The following COL19A1 variants were observed in gnomAD, a reference collection of about 807,000 sequenced individuals.
The protein encoded by COL19A1 is collagen alpha-1(XIX) chain.
In COL19A1, 159 loss-of-function variants were observed where a neutral mutation model predicts 190.2. The observed-to-expected ratio is 0.84, with a 90% CI of 0.73 to 0.95. The LOEUF is 0.95. Ranked by LOEUF, COL19A1 falls within the 40% of genes least tolerant of loss-of-function variation. COL19A1 has a pLI of 0.00. For synonymous variants in COL19A1, 509 were observed against 458.9 expected, an observed-to-expected ratio of 1.11 and a Z score of -1.39; for missense variants, 1,418 against 1,431.9, an observed-to-expected ratio of 0.99 and a Z score of 0.16.
chr6:69,996,998 T>A (rs1420920547), intron 11 of COL19A1, among the ~76,000 whole-genome samples: 1 of 131,830 alleles, frequency 7.6e-6, no homozygotes, highest in Non-Finnish European at 1.5e-5. Flanking sequence ...CGTATGTGTG[T>A]GTGTGTTTAT....
At chr6:70,073,061 C>T (rs943870552) in intron 15 of COL19A1, among the ~76,000 whole-genome samples, 4 of 151,978 alleles carry the variant, frequency 2.6e-5, no homozygotes, top group African/African-American at 9.7e-5. Flanking sequence ...AGTCTTGGCT[C>T]ACTACAACCT....
At chr6:70,066,327 T>C (rs1361120254) in intron 14 of COL19A1, among the ~76,000 whole-genome samples, 3 of 152,112 alleles carry the variant, frequency 2.0e-5, no homozygotes, top group Non-Finnish European at 4.4e-5. Flanking sequence ...GAAACCATCA[T>C]TCTCAGCAAA....
chr6:69,937,560 C>G, intron 8 of COL19A1, among the ~76,000 whole-genome samples: 1 of 152,090 alleles, frequency 6.6e-6, no homozygotes, highest in East Asian at 1.9e-4. Context: ...GTGCCCATAC[C>G]TGAGGAAAGG....
At chr6:70,022,079 G>A (rs1239188951) in intron 11 of COL19A1, among the ~76,000 whole-genome samples, 2 of 151,942 alleles carry the variant, frequency 1.3e-5, no homozygotes, top group Non-Finnish European at 1.5e-5. Context: ...GTGTGCAAAG[G>A]TATTTCTGTA....
chr6:69,898,025 C>T lies in COL19A1; in HGVS notation c.92-923C>T, dbSNP rs1769909259. Among the ~76,000 whole-genome samples, 4 of 152,086 alleles carry T rather than the reference C, an allele frequency of 2.6e-5. No homozygotes were observed. The South Asian group carries it at 6.2e-4, about 24-fold the overall frequency. ...TTAAATGAAGGGGGAACTGGTGAATCGGCAATTTCAATTTGGTTTTAAGTA... is the reference window on the plus strand; with the variant it reads ...TTAAATGAAGGGGGAACTGGTGAATTGGCAATTTCAATTTGGTTTTAAGTA... On this transcript the variant is annotated intron_variant, in intron 2 of 50. Transcript: ENST00000620364.
rs577577382 is a variant in COL19A1 at position 70,009,020 on chromosome 6, G to A, written c.1027-14607G>A. On this transcript the variant is annotated intron_variant, in intron 11 of 50. Coordinates refer to ENST00000620364, the MANE Select transcript of COL19A1 (RefSeq NM_001858.6). ...GAGCAGTTTGTCACTCTGATAAGAGGGATTTGTGAAAACAAAAATTGTGAG... is the reference window on the plus strand; with the variant it reads ...GAGCAGTTTGTCACTCTGATAAGAGAGATTTGTGAAAACAAAAATTGTGAG... Among the ~76,000 whole-genome samples the A allele has an allele frequency of 5.3e-5, 8 of 152,002 alleles. No individual in the cohort carries two copies. The East Asian group carries it at 7.7e-4, about 15-fold the overall frequency.
At chr6:70,183,551 C>T (rs891642344) in intron 44 of COL19A1, among the ~76,000 whole-genome samples, 2 of 152,200 alleles carry the variant, frequency 1.3e-5, no homozygotes, top group Non-Finnish European at 2.9e-5. Flanking sequence ...ACAGCTGTTT[C>T]TTTCACATCC....
chr6:69,937,030 C>G, intron 8 of COL19A1, 120 bp downstream of exon 8: 1 of 1,346,466 alleles, frequency 7.4e-7, no homozygotes. Flanking sequence ...AAGTAAATAC[C>G]TCAGTTACTG....
intron 12 of COL19A1, among the ~76,000 whole-genome samples, chr6:70,031,517 G>A (rs1213693696): frequency 6.6e-6 from 1 of 151,756 alleles, no homozygotes; most frequent in Non-Finnish European, 1.5e-5. Flanking sequence ...ACCTCCATGT[G>A]TTCAAATTTT....
chr6:69,969,371 A>G (rs1233813141), intron 11 of COL19A1, among the ~76,000 whole-genome samples: 3 of 152,102 alleles, frequency 2.0e-5, no homozygotes, highest in Non-Finnish European at 4.4e-5. Context: ...GCTTGTGATT[A>G]TATGGTTTAG....
chr6:69,955,335 T>G (rs572885404), intron 9 of COL19A1, among the ~76,000 whole-genome samples: 1 of 152,266 alleles, frequency 6.6e-6, no homozygotes, highest in Non-Finnish European at 1.5e-5. Flanking sequence ...TTTGTTTTTT[T>G]ATTTGAATAA....
intron 14 of COL19A1, among the ~76,000 whole-genome samples, chr6:70,050,200 T>C (rs1780132502): frequency 6.6e-6 from 1 of 152,086 alleles, no homozygotes; most frequent in Non-Finnish European, 1.5e-5. Context: ...ATGCCTGGCT[T>C]CTAGTAAATA....
intron 4 of COL19A1, 127 bp from the exon 5 acceptor site, chr6:69,927,782 G>T (rs749852570): frequency 7.4e-6 from 9 of 1,212,322 alleles, no homozygotes; most frequent in Non-Finnish European, 1.0e-5. Context: ...AGAGAAAAGT[G>T]CATAAGTTAC....
At chr6:69,871,749 T>C (rs1376678166) in intron 1 of COL19A1, among the ~76,000 whole-genome samples, 1 of 152,142 alleles carries the variant, frequency 6.6e-6, no homozygotes, top group Non-Finnish European at 1.5e-5. Context: ...CAGATTTGAT[T>C]TGGCTCACTC....
At chr6:69,938,001 A>G in intron 8 of COL19A1, 37 bp from the exon 9 acceptor site, 2 of 1,602,412 alleles carry the variant, frequency 1.2e-6, no homozygotes, top group Non-Finnish European at 1.7e-6. Flanking sequence ...TCAATGTGAC[A>G]GAATGTTTGC....
intron 4 of COL19A1, among the ~76,000 whole-genome samples, chr6:69,915,714 A>G (rs1475243106): frequency 6.6e-6 from 1 of 152,094 alleles, no homozygotes; most frequent in East Asian, 1.9e-4. Flanking sequence ...CATTATTTTC[A>G]CGTTTGAATA....
intron 14 of COL19A1, among the ~76,000 whole-genome samples, chr6:70,057,141 A>G (rs182903069): frequency 1.1e-3 from 163 of 152,304 alleles, no homozygotes; most frequent in African/African-American, 3.8e-3. Context: ...CAGTAGAACC[A>G]TGTTCATGTT....
At chr6:70,196,515 A>G (rs1289458680) in intron 48 of COL19A1, among the ~76,000 whole-genome samples, 1 of 152,208 alleles carries the variant, frequency 6.6e-6, no homozygotes, top group Non-Finnish European at 1.5e-5. Flanking sequence ...ATATTTACAA[A>G]TTTTGTCTGT....
Position 70,156,118 on chromosome 6 carries a change from A to G in COL19A1, c.2080-9A>G. ...ACTCCCTCAGTAACCTTATCTTTAT[A>G]CTCATTAGAATTTCTGTGGCAACTG... On this transcript the variant is annotated splice_polypyrimidine_tract_variant and intron_variant, in intron 31 of 50. Coordinates refer to ENST00000620364, the MANE Select transcript of COL19A1 (RefSeq NM_001858.6). 1 of 1,611,292 alleles carries G rather than the reference A, an allele frequency of 6.2e-7. No homozygotes were observed. Among genetic ancestry groups the G allele is most frequent in the Non-Finnish European group, 8.5e-7 (1 of 1,178,540 alleles).
Sources: gnomAD v4.1 joint callset for allele counts (sites outside exome capture counted in the v4.1 genomes callset) on GRCh38, gnomAD v4.1.1 for gene constraint, MANE v1.5 for transcripts, NCBI Gene and HGNC (gene_info 2026-07-23, HGNC 2026-07-21) for gene names.